The following FGF13 variants were observed in gnomAD, a reference collection of about 807,000 sequenced individuals.
FGF13 encodes the protein fibroblast growth factor homologous factor 2.
A neutral mutation model predicts 19.5 loss-of-function variants in FGF13; 2 were observed. The observed-to-expected ratio is 0.10, with a 90% CI of 0.04 to 0.32. FGF13 has a LOEUF of 0.32. FGF13 is among the 10% of genes least tolerant of loss of function. The probability of loss-of-function intolerance (pLI) is 1.00; values close to 1 mark genes in which losing one functional copy is unlikely to be tolerated. For synonymous variants in FGF13, 72 were observed against 76.9 expected (o/e 0.94, Z 0.33); for missense variants, 113 against 192.7 (o/e 0.59, Z 2.45).
intron 1 of FGF13, among the ~76,000 whole-genome samples, chrX:138,710,398 G>A (rs767979676): frequency 9.9e-5 from 11 of 111,271 alleles, no homozygotes; most frequent in Non-Finnish European, 1.9e-4. Flanking sequence ...AGGGTCTGAG[G>A]CAGAGATAAA....
chrX:138,745,923 G>T, intron 3 of FGF13, among the ~76,000 whole-genome samples: 1 of 111,817 alleles, frequency 8.9e-6, no homozygotes, highest in East Asian at 2.8e-4. Flanking sequence ...AGGTGAGAGG[G>T]AACCAGAAAA....
intron 1 of FGF13, among the ~76,000 whole-genome samples, chrX:138,991,889 C>T (rs1386392470): frequency 9.0e-6 from 1 of 111,471 alleles, no homozygotes; most frequent in Non-Finnish European, 1.9e-5. Context: ...TGAAAAAGTC[C>T]CCTTTTGCAC....
At position 138,622,427 on chromosome X, in the gene FGF13, A is replaced by G. The variant is rs1163408926; in HGVS notation, c.*10423T>C. The G allele has an allele frequency of 8.9e-6, 1 of 112,012 alleles. No homozygotes were observed. Among genetic ancestry groups the G allele is most frequent in the Non-Finnish European group, 1.9e-5 (1 of 53,117 alleles). 9.2% of individuals were successfully genotyped at this position (112,012 alleles called of 1,213,427 possible). ...CTTTCATGATGAAAACATTCAAAAC[A>G]TTAGGTAGAGAAGGAATATCCCTAA... is the stretch of plus-strand genomic sequence containing the variant. On this transcript the variant is annotated 3_prime_UTR_variant, in exon 5 of 5. Transcript: ENST00000315930.
chrX:139,144,355 C>G (rs2083870063), intron 1 of FGF13, among the ~76,000 whole-genome samples: 1 of 112,341 alleles, frequency 8.9e-6, no homozygotes, highest in South Asian at 3.7e-4. Flanking sequence ...CTCTCTTAAC[C>G]ACTGCCTGAG....
rs1269310044 is a variant in FGF13, at chrX:138,617,765, C to T, written c.*15085G>A. On this transcript the variant is annotated 3_prime_UTR_variant, in exon 5 of 5. Transcript: ENST00000315930. ...GACCCACCTGGGCAACATAGTGAGA[C>T]CCCATCTCTACAAAAAATGTAAAAA... 1 of 110,866 alleles carries T rather than the reference C, an allele frequency of 9.0e-6. No individual in the cohort carries two copies. Among genetic ancestry groups the T allele is most frequent in the Admixed American group, 9.6e-5 (1 of 10,369 alleles). The allele number at this position is 110,866 out of a possible 1,213,427, so 9.1% of individuals were successfully genotyped here.
At chrX:138,675,532 A>AT (rs1399612718) in intron 3 of FGF13, among the ~76,000 whole-genome samples, 1 of 111,539 alleles carries the variant, frequency 9.0e-6, no homozygotes, top group Non-Finnish European at 1.9e-5. Flanking sequence ...TCTTTTGCTA[A>AT]TTTTTGTATT....
downstream of FGF13, among the ~76,000 whole-genome samples, chrX:138,855,497 G>A (rs911892052): frequency 9.0e-6 from 1 of 111,465 alleles, no homozygotes; most frequent in African/African-American, 3.3e-5. Flanking sequence ...CTTTGATATC[G>A]TGGCAGGAGG....
Position 139,011,922 on chromosome X carries a change from G to T in FGF13, c.-112-147272C>A, listed in dbSNP as rs187124221. ...AACTATTGCTGTTTGCTGATGATAT[G>T]ATCGTATACCTAGAAAATCCTAAAG... On this transcript the variant is annotated intron_variant, in intron 1 of 2. Coordinates refer to the FGF13 transcript ENST00000421460. Among the ~76,000 whole-genome samples, 182 of 111,149 alleles carry T rather than the reference G, an allele frequency of 1.6e-3. 2 individuals are homozygous for T. In the Middle Eastern group the frequency reaches 0.028, roughly 17 times the overall value.
chrX:138,937,234 C>T (rs891396999), intron 1 of FGF13, among the ~76,000 whole-genome samples: 2 of 111,341 alleles, frequency 1.8e-5, no homozygotes, highest in African/African-American at 3.3e-5. Flanking sequence ...ATGTTGAGAA[C>T]GAAAGACCCA....
rs767409925 is a variant in FGF13 at position 139,110,913 on chromosome X, A to G, written c.-113+92503T>C. Reference sequence around the variant, plus strand: ...TCCAGTGGTGGCTTCCCAACTCCCCACCTCTCTGCACGTAAAAGCAGCTGC... The same window carrying G: ...TCCAGTGGTGGCTTCCCAACTCCCCGCCTCTCTGCACGTAAAAGCAGCTGC... On this transcript the variant is annotated intron_variant, in intron 1 of 2. Coordinates refer to the FGF13 transcript ENST00000421460. Among the ~76,000 whole-genome samples, 3 of 110,385 alleles carry G rather than the reference A, an allele frequency of 2.7e-5. No homozygotes were observed. In the Admixed American group the frequency reaches 2.9e-4, roughly 11 times the overall value.
chrX:138,726,561 A>G (rs2090187466), intron 1 of FGF13, among the ~76,000 whole-genome samples: 2 of 111,939 alleles, frequency 1.8e-5, no homozygotes, highest in South Asian at 7.4e-4. Context: ...TTGTTGATGT[A>G]CATACACTAT....
chrX:138,904,494 T>C (rs2091547558), intron 1 of FGF13, among the ~76,000 whole-genome samples: 1 of 111,859 alleles, frequency 8.9e-6, no homozygotes, highest in South Asian at 3.8e-4. Flanking sequence ...AGATAAAATA[T>C]AGGGCCTTCC....
At chrX:139,160,164 T>A (rs1284759209) in intron 1 of FGF13, among the ~76,000 whole-genome samples, 2 of 111,504 alleles carry the variant, frequency 1.8e-5, no homozygotes, top group Non-Finnish European at 3.8e-5. Flanking sequence ...TGCAATCAAA[T>A]TAAAACTCAG....
At chrX:138,642,014 A>G (rs1444420156) in intron 3 of FGF13, among the ~76,000 whole-genome samples, 1 of 111,374 alleles carries the variant, frequency 9.0e-6, no homozygotes, top group Non-Finnish European at 1.9e-5. Flanking sequence ...AATCCAAAAA[A>G]GGGTTAAATG....
At chrX:138,661,192 C>A (rs1291763132) in intron 3 of FGF13, among the ~76,000 whole-genome samples, 1 of 111,643 alleles carries the variant, frequency 9.0e-6, no homozygotes, top group African/African-American at 3.3e-5. Context: ...TATCACAGTT[C>A]TCTTACTCAG....
chrX:139,135,939 G>A (rs1450706270), intron 1 of FGF13, among the ~76,000 whole-genome samples: 2 of 111,801 alleles, frequency 1.8e-5, no homozygotes, highest in African/African-American at 6.5e-5. Flanking sequence ...AAAAAAGAAA[G>A]CGGTGAGTTA....
At chrX:139,182,267 C>T (rs764006802) in intron 1 of FGF13, among the ~76,000 whole-genome samples, 1 of 111,822 alleles carries the variant, frequency 8.9e-6, no homozygotes, top group African/African-American at 3.2e-5. Context: ...GTTGAAGGTC[C>T]ACACAGCAAA....
chrX:138,781,119 G>A (rs1042757809), intron 3 of FGF13, among the ~76,000 whole-genome samples: 1 of 111,025 alleles, frequency 9.0e-6, no homozygotes, highest in Non-Finnish European at 1.9e-5. Context: ...TGAAACCAAT[G>A]AGAACAAAGA....
intron 1 of FGF13, among the ~76,000 whole-genome samples, chrX:139,021,102 C>T (rs1292648510): frequency 5.4e-5 from 6 of 110,819 alleles, no homozygotes; most frequent in Non-Finnish European, 9.5e-5. Flanking sequence ...GCATCTAAGA[C>T]GTTCTCCACT....
Sources: allele counts gnomAD v4.1 joint callset (sites outside exome capture counted in the v4.1 genomes callset), GRCh38; gene constraint gnomAD v4.1.1; transcripts MANE v1.5; gene names NCBI Gene and HGNC (gene_info 2026-07-23, HGNC 2026-07-21).